Variants in HHIP observed in about 807,000 individuals in gnomAD.
HHIP encodes hedgehog interacting protein.
In HHIP, 12 loss-of-function variants were observed where a neutral mutation model predicts 74.0. The ratio of observed to expected loss-of-function variants is 0.16; its 90% CI spans 0.10 to 0.26. The LOEUF is 0.26. Ranked by LOEUF, HHIP falls within the 10% of genes least tolerant of loss-of-function variation. The probability of loss-of-function intolerance (pLI) is 1.00; values close to 1 mark genes in which losing one functional copy is unlikely to be tolerated. For missense variants in HHIP, 788 were observed against 845.0 expected, an observed-to-expected ratio of 0.93 and a Z score of 0.84; for synonymous variants, 309 against 311.6, an observed-to-expected ratio of 0.99 and a Z score of 0.09.
In HHIP at chr4:144,742,507, T is replaced by A. The variant is rs1464650436; in HGVS notation, c.*4550T>A. ...CCAAGGAACAACCTTCTCTATGGAA[T>A]AATTTTAAGAAAATTATTCCAAATC... is the stretch of plus-strand genomic sequence containing the variant. On this transcript the variant is annotated 3_prime_UTR_variant, in exon 13 of 13. Transcript: ENST00000296575. The A allele has an allele frequency of 1.3e-5, 2 of 152,050 alleles. No individual in the cohort carries two copies. Among genetic ancestry groups the A allele is most frequent in the Non-Finnish European group, 2.9e-5 (2 of 67,994 alleles). 9.4% of individuals were successfully genotyped at this position (152,050 alleles called of 1,614,324 possible).
chr4:144,652,736 T>A lies in HHIP; in HGVS notation c.411T>A (p.Leu137=), dbSNP rs1365140706. The change falls in exon 2 of 13, where the codon CTT becomes CTA. Residue 137 remains leucine, a synonymous_variant. Coordinates refer to ENST00000296575, the MANE Select transcript of HHIP (RefSeq NM_022475.3). ...EREVLERDLV[L]PLLCKDYCKE... is the part of the protein sequence containing the mutation. ...AAGTCTTGGAAAGAGACCTAGTACT[T>A]CCTCTGCTCTGCAAAGACTATTGCA... 1 of 1,612,766 alleles carries A rather than the reference T, an allele frequency of 6.2e-7. No homozygotes were observed.
chr4:144,699,726 G>A (rs745539423), intron 4 of HHIP, among the ~76,000 whole-genome samples: 1 of 151,976 alleles, frequency 6.6e-6, no homozygotes, highest in Non-Finnish European at 1.5e-5. Flanking sequence ...GAGGCTTTGT[G>A]CCAAGAACTG....
At chr4:144,711,190 A>T (rs1730290994) in intron 7 of HHIP, among the ~76,000 whole-genome samples, 1 of 152,236 alleles carries the variant, frequency 6.6e-6, no homozygotes, top group Non-Finnish European at 1.5e-5. Context: ...TCCTGGAATT[A>T]AAGCACATGT....
At chr4:144,693,904 TTTC>T (rs560378343) in intron 4 of HHIP, among the ~76,000 whole-genome samples, 14 of 152,074 alleles carry the variant, frequency 9.2e-5, no homozygotes, top group African/African-American at 3.4e-4. Flanking sequence ...TCAAAAAGAT[TTTC>T]TTAATTTAGA....
At chr4:144,731,378 T>C (rs908588752) in intron 11 of HHIP, among the ~76,000 whole-genome samples, 3 of 152,162 alleles carry the variant, frequency 2.0e-5, no homozygotes, top group African/African-American at 7.2e-5. Context: ...GAGAGTGTAT[T>C]TGAGAAAGTT....
At chr4:144,689,042 A>G (rs1729572324) in intron 4 of HHIP, among the ~76,000 whole-genome samples, 1 of 152,206 alleles carries the variant, frequency 6.6e-6, no homozygotes. Context: ...TTGCAAAAAG[A>G]AAAAAAGAAT....
rs1349930400 is a variant in HHIP, at chr4:144,734,779, C to G, written c.1799C>G (p.Pro600Arg). The G allele has an allele frequency of 1.2e-6, 2 of 1,609,900 alleles. No homozygotes were observed. Among genetic ancestry groups the G allele is most frequent in the African/African-American group, 2.7e-5 (2 of 74,852 alleles). Reference sequence around the variant, plus strand: ...GAGGAATGCAGAGCCACGGTACAACCTGCACAGACACTGACTTCAGAGTGC... The same window carrying G: ...GAGGAATGCAGAGCCACGGTACAACGTGCACAGACACTGACTTCAGAGTGC... Reference protein sequence around the residue: ...MPEECRATVQPAQTLTSECSR... With the variant: ...MPEECRATVQRAQTLTSECSR... The change falls in exon 12 of 13, where the codon CCT becomes CGT. Residue 600 changes from proline to arginine, a missense_variant. Physicochemically the swap from Pro to Arg is moderately radical, Grantham distance 103 (BLOSUM62 -2). Coordinates refer to ENST00000296575, the MANE Select transcript of HHIP (RefSeq NM_022475.3).
chr4:144,646,243 CCCG>C lies in HHIP; in HGVS notation c.-423_-421del. 3 of 166,218 alleles carry C rather than the reference CCCG, an allele frequency of 1.8e-5. No homozygotes were observed. Among genetic ancestry groups the C allele is most frequent in the Non-Finnish European group, 2.6e-5 (2 of 77,272 alleles). The allele number at this position is 166,218 out of a possible 1,614,324, so 10.3% of individuals were successfully genotyped here. On this transcript the variant is annotated 5_prime_UTR_variant, in exon 1 of 13. Coordinates refer to ENST00000296575, the MANE Select transcript of HHIP (RefSeq NM_022475.3). Reference sequence around the variant, plus strand: ...CAGCGCTGGCCCTGCCTCCGCCTGCCCCGCCGCCGCCGTCGCCGTTTCTGTTCC... The same window carrying C: ...CAGCGCTGGCCCTGCCTCCGCCTGCCCCGCCGCCGTCGCCGTTTCTGTTCC...
intron 4 of HHIP, among the ~76,000 whole-genome samples, chr4:144,689,589 G>C (rs1288181235): frequency 6.6e-6 from 1 of 152,206 alleles, no homozygotes; most frequent in South Asian, 2.1e-4. Flanking sequence ...TTTTTGCCTG[G>C]AGCACTGCTT....
intron 4 of HHIP, among the ~76,000 whole-genome samples, chr4:144,668,806 A>C (rs1052399324): frequency 3.9e-5 from 6 of 152,038 alleles, no homozygotes; most frequent in African/African-American, 1.2e-4. Flanking sequence ...CCAACTACCT[A>C]TCTCTCAAAC....
At position 144,740,419 on chromosome 4, in the gene HHIP, G is replaced by C. The variant is rs956492867; in HGVS notation, c.*2462G>C. 6.6e-6 allele frequency: 1 copy of C among 152,126 alleles called. No homozygotes were observed. The highest frequency in any genetic ancestry group is 2.4e-5 in the African/African-American group (1 of 41,428). 9.4% of individuals were successfully genotyped at this position (152,126 alleles called of 1,614,324 possible). A position where few individuals can be genotyped will look rare whatever the true frequency, so the allele number is the denominator to read the frequency against. On this transcript the variant is annotated 3_prime_UTR_variant, in exon 13 of 13. Coordinates refer to ENST00000296575, the MANE Select transcript of HHIP (RefSeq NM_022475.3). ...TTGCCTTTTCTTTTGTGAGTCATTA[G>C]AATGAAAGGCCAAGTTCTTCTCAAG...
chr4:144,693,430 A>G (rs948831585), intron 4 of HHIP, among the ~76,000 whole-genome samples: 2 of 152,084 alleles, frequency 1.3e-5, no homozygotes, highest in African/African-American at 2.4e-5. Flanking sequence ...CCATTATATT[A>G]AAAATTATAA....
chr4:144,659,667 G>C lies in HHIP; in HGVS notation c.660G>C (p.Gln220His), dbSNP rs1370789641. The change falls in exon 4 of 13, where the codon CAG becomes CAC. Residue 220 changes from glutamine to histidine, a missense_variant. Gln to His is a conservative substitution (Grantham distance 24). Around this residue, in one of 3 missense-constraint regions of HHIP, gnomAD observed 373 missense variants for 366.4 expected, o/e 1.02. Coordinates refer to ENST00000296575, the MANE Select transcript of HHIP (RefSeq NM_022475.3). The stretch of plus-strand genomic sequence containing the variant: ...ACAAACACAACTGCTTCTGTATTCA[G>C]GAGGTTGTGAGTGGGCTGCGGCAGC... ...RKHKHNCFCI[Q>H]EVVSGLRQPV... The C allele has an allele frequency of 6.5e-7, 1 of 1,543,968 alleles. No homozygotes were observed. The highest frequency in any genetic ancestry group is 2.2e-5 in the Admixed American group (1 of 45,350).
At chr4:144,703,776 G>T (rs982932154) in intron 4 of HHIP, among the ~76,000 whole-genome samples, 2 of 152,154 alleles carry the variant, frequency 1.3e-5, no homozygotes, top group African/African-American at 4.8e-5. Context: ...ACGGTGTCCT[G>T]GTGAAGACTA....
intron 8 of HHIP, among the ~76,000 whole-genome samples, chr4:144,713,660 C>G (rs1175104242): frequency 6.6e-6 from 1 of 152,084 alleles, no homozygotes; most frequent in Non-Finnish European, 1.5e-5. Flanking sequence ...CCACACAACT[C>G]TATAAACAGA....
intron 4 of HHIP, among the ~76,000 whole-genome samples, chr4:144,703,075 C>A (rs1211398464): frequency 6.6e-6 from 1 of 151,990 alleles, no homozygotes; most frequent in African/African-American, 2.4e-5. Flanking sequence ...ATTAGCTGGG[C>A]ATGGTGCAAG....
At chr4:144,710,252 A>G (rs1730256338) in intron 7 of HHIP, among the ~76,000 whole-genome samples, 1 of 152,208 alleles carries the variant, frequency 6.6e-6, no homozygotes. Context: ...AAGAAAGGTA[A>G]TAGAGGAAAA....
At chr4:144,691,037 G>C (rs1177264998) in intron 4 of HHIP, among the ~76,000 whole-genome samples, 1 of 152,090 alleles carries the variant, frequency 6.6e-6, no homozygotes, top group African/African-American at 2.4e-5. Flanking sequence ...CCTACTTCAA[G>C]ACTGTTTCGA....
intron 4 of HHIP, among the ~76,000 whole-genome samples, chr4:144,683,284 G>A (rs1729395964): frequency 6.6e-6 from 1 of 152,146 alleles, no homozygotes; most frequent in Non-Finnish European, 1.5e-5. Flanking sequence ...GATAAACACA[G>A]AGCTAAGCTA....
Sources: gnomAD v4.1 joint callset for allele counts (sites outside exome capture counted in the v4.1 genomes callset) on GRCh38, gnomAD v4.1.1 for gene constraint, gnomAD v4.1.1 regional missense constraint, MANE v1.5 for transcripts, NCBI Gene and HGNC (gene_info 2026-07-23, HGNC 2026-07-21) for gene names.